The following MICAL2 variants were observed in gnomAD, a reference collection of about 807,000 sequenced individuals.
MICAL2 encodes [F-actin]-monooxygenase MICAL2.
MICAL2 carries 77 observed loss-of-function variants against 127.3 expected under a neutral mutation model. The ratio of observed to expected loss-of-function variants is 0.60; its 90% CI spans 0.50 to 0.73. The LOEUF (loss-of-function observed/expected upper bound fraction) is 0.73, where lower values mean the gene tolerates loss of function less well. MICAL2 is among the 30% of genes least tolerant of loss of function. MICAL2 has a pLI of 0.00. For missense variants in MICAL2, 1,351 were observed against 1,434.4 expected, an observed-to-expected ratio of 0.94 and a Z score of 0.94; for synonymous variants, 570 against 551.1, an observed-to-expected ratio of 1.03 and a Z score of -0.48.
downstream of MICAL2, chr11:12,292,041 C>T: frequency 2.1e-6 from 3 of 1,398,544 alleles, no homozygotes; most frequent in East Asian, 4.7e-5. Context: ...ACATCTTCCT[C>T]TTTCTGACTG....
At chr11:12,142,359 A>G (rs996503996) in intron 2 of MICAL2, among the ~76,000 whole-genome samples, 1 of 152,238 alleles carries the variant, frequency 6.6e-6, no homozygotes, top group Admixed American at 6.5e-5. Flanking sequence ...GGGGTGAAAG[A>G]TTAATTCAAG....
chr11:12,236,410 G>A (rs1590542323), intron 16 of MICAL2, among the ~76,000 whole-genome samples, 165 bp downstream of exon 16: 2 of 152,292 alleles, frequency 1.3e-5, no homozygotes, highest in East Asian at 1.9e-4. Context: ...TTTGGATCAC[G>A]CTTCACTACT....
chr11:12,293,721 G>T, downstream of MICAL2: 1 of 1,614,038 alleles, frequency 6.2e-7, no homozygotes. Flanking sequence ...TGCCTGGTGA[G>T]CCCTGGTGAA....
At chr11:12,202,347 G>A (rs1406690395) in intron 3 of MICAL2, among the ~76,000 whole-genome samples, 1 of 152,170 alleles carries the variant, frequency 6.6e-6, no homozygotes, top group Non-Finnish European at 1.5e-5. Context: ...GACTACCTGG[G>A]TTTGAATCCC....
Position 12,255,741 on chromosome 11 carries a change from T to G in MICAL2, c.2946T>G (p.Ser982=), listed in dbSNP as rs1862242952. 4 of 1,612,760 alleles carry G rather than the reference T, an allele frequency of 2.5e-6. No homozygotes were observed. In the African/African-American group the frequency reaches 5.3e-5, roughly 21 times the overall value. ...NDHRPKAQAT[S]PDLESMRKSF... The stretch of plus-strand genomic sequence containing the variant: ...ACAGACCTAAGGCCCAGGCCACCTC[T>G]CCAGACCTGGTAAGGACATGCACCC... Residue 982 remains serine, a synonymous_variant, in exon 23 of 28, where the codon TCT becomes TCG. Transcript: ENST00000683283.
chr11:12,159,887 C>T (rs1337392661), intron 2 of MICAL2, among the ~76,000 whole-genome samples: 1 of 152,088 alleles, frequency 6.6e-6, no homozygotes, highest in African/African-American at 2.4e-5. Context: ...CTCACAGAGC[C>T]CAGAGAGGAT....
rs1382612241 is a variant in MICAL2, at chr11:12,330,877, G to GAC, written c.5515+3612_5515+3613insCA. The stretch of plus-strand genomic sequence containing the variant: ...AGAGAGGGGTAGAGAGAGAGAGAGA[G>GAC]AGAGACAGAGAGAGAGAGAGAGAGT... On this transcript the variant is annotated intron_variant, in intron 32 of 34. Transcript: ENST00000646065. Among the ~76,000 whole-genome samples the GAC allele has an allele frequency of 4.8e-3, 672 of 139,856 alleles. 7 individuals carry two copies. Among genetic ancestry groups the GAC allele is most frequent in the Non-Finnish European group, 6.9e-3 (449 of 64,814 alleles). 91.8% of individuals were successfully genotyped at this position (139,856 alleles called of 152,430 possible). A position where few individuals can be genotyped will look rare whatever the true frequency, so the allele number is the denominator to read the frequency against.
intron 32 of MICAL2, among the ~76,000 whole-genome samples, chr11:12,345,116 CAAAAAAA>C (rs796748173): frequency 9.0e-6 from 1 of 110,544 alleles, no homozygotes; most frequent in Non-Finnish European, 1.9e-5. Flanking sequence ...GAATCCATCT[CAAAAAAA>C]AAAAGAAAAA....
intron 9 of MICAL2, among the ~76,000 whole-genome samples, chr11:12,220,939 T>G (rs1226263312): frequency 6.6e-6 from 1 of 152,242 alleles, no homozygotes; most frequent in Admixed American, 6.5e-5. Context: ...GATCCTTAGA[T>G]TAAATGAATG....
chr11:12,209,538 C>A lies in MICAL2; in HGVS notation c.631C>A (p.Leu211Met). ...AGAATTTCTCCCTACAGACCATTCTCTGTCGGAGTTTGAGTTTGACGTCAT... is the reference window on the plus strand; with the variant it reads ...AGAATTTCTCCCTACAGACCATTCTATGTCGGAGTTTGAGTTTGACGTCAT... ...RAEFLPTDHS[L>M]SEFEFDVIIG... The change falls in exon 6 of 28, where the codon CTG becomes ATG. Residue 211 changes from leucine to methionine, a missense_variant. Leu to Met is a conservative substitution (Grantham distance 15). Transcript: ENST00000683283. 1.2e-6 allele frequency: 2 copies of A among 1,614,208 alleles called. No individual in the cohort carries two copies. The highest frequency in any genetic ancestry group is 1.7e-6 in the Non-Finnish European group (2 of 1,180,048).
At chr11:12,132,062 C>T (rs1851462471) in intron 1 of MICAL2, among the ~76,000 whole-genome samples, 1 of 152,170 alleles carries the variant, frequency 6.6e-6, no homozygotes, top group Non-Finnish European at 1.5e-5. Flanking sequence ...GGTCGCACAA[C>T]AGACAGGCAG....
At chr11:12,116,336 A>C (rs1454556897) in intron 1 of MICAL2, among the ~76,000 whole-genome samples, 1 of 135,144 alleles carries the variant, frequency 7.4e-6, no homozygotes, top group Non-Finnish European at 1.6e-5. Flanking sequence ...TTCTAATGTT[A>C]GGCTCTTGAT....
At chr11:12,341,827 A>AAAAAG (rs896131688) in intron 32 of MICAL2, among the ~76,000 whole-genome samples, 2 of 125,138 alleles carry the variant, frequency 1.6e-5, no homozygotes, top group Non-Finnish European at 3.4e-5. Context: ...ACTCTTTCTC[A>AAAAAG]AAAAGAAAAG....
downstream of MICAL2, among the ~76,000 whole-genome samples, chr11:12,290,654 C>A (rs1344714306): frequency 6.6e-6 from 1 of 152,208 alleles, no homozygotes; most frequent in African/African-American, 2.4e-5. Context: ...GCCTCCCCAG[C>A]AGCTCCTTCC....
chr11:12,339,925 C>T (rs1480786992), intron 32 of MICAL2, among the ~76,000 whole-genome samples: 2 of 152,204 alleles, frequency 1.3e-5, no homozygotes, highest in African/African-American at 4.8e-5. Context: ...TCTGCCCGTT[C>T]TCAGTTCTCA....
At chr11:12,137,123 G>A (rs1156798202) in intron 1 of MICAL2, among the ~76,000 whole-genome samples, 1 of 152,246 alleles carries the variant, frequency 6.6e-6, no homozygotes. Flanking sequence ...CTGCAGCACA[G>A]GCTGATAGAA....
downstream of MICAL2, chr11:12,293,908 TG>T: frequency 1.2e-6 from 2 of 1,611,856 alleles, no homozygotes; most frequent in Non-Finnish European, 1.7e-6. Context: ...AAGGGAGTAC[TG>T]GAGCCAGGAA....
At chr11:12,175,342 G>T (rs902178839) in intron 3 of MICAL2, among the ~76,000 whole-genome samples, 6 of 152,100 alleles carry the variant, frequency 3.9e-5, no homozygotes, top group Non-Finnish European at 7.3e-5. Flanking sequence ...CAGGCGTGGT[G>T]GTGGGTGCCT....
At chr11:12,245,976 A>T (rs1173194036) in intron 21 of MICAL2, among the ~76,000 whole-genome samples, 1 of 152,216 alleles carries the variant, frequency 6.6e-6, no homozygotes, top group Non-Finnish European at 1.5e-5. Context: ...TCTCTGGCCC[A>T]GCCCACTCCA....
Sources: allele counts gnomAD v4.1 joint callset (sites outside exome capture counted in the v4.1 genomes callset), GRCh38; gene constraint gnomAD v4.1.1; transcripts MANE v1.5; gene names NCBI Gene and HGNC (gene_info 2026-07-23, HGNC 2026-07-21).